EPHA6: variants seen among roughly 807,000 people sequenced by gnomAD.
EPHA6 encodes the protein EPH receptor A6, also known as ephrin type-A receptor 6.
EPHA6 carries 50 observed loss-of-function variants against 112.0 expected under a neutral mutation model. The ratio of observed to expected loss-of-function variants is 0.45; its 90% CI spans 0.36 to 0.56. The LOEUF (loss-of-function observed/expected upper bound fraction) is 0.56. Ranked by LOEUF, EPHA6 falls within the 20% of genes least tolerant of loss-of-function variation. EPHA6 has a pLI of 0.00. For missense variants in EPHA6, 1,280 were observed against 1,417.4 expected (o/e 0.90, Z 1.56); for synonymous variants, 529 against 490.7 (o/e 1.08, Z -1.03).
At chr3:97,697,387 G>A (rs2033108361) in intron 14 of EPHA6, among the ~76,000 whole-genome samples, 1 of 152,112 alleles carries the variant, frequency 6.6e-6, no homozygotes, top group Admixed American at 6.5e-5. Context: ...GACAGAAAGA[G>A]TACTATTTTA....
rs1450327757 is a variant in EPHA6 at position 96,862,123 on chromosome 3, G to A, written c.386-4702G>A. 2.6e-5 allele frequency among the ~76,000 whole-genome samples: 4 copies of A among 151,850 alleles called. No individual in the cohort carries two copies. In the East Asian group the frequency reaches 5.8e-4, roughly 22 times the overall value. On this transcript the variant is annotated intron_variant, in intron 1 of 17. Coordinates refer to ENST00000389672, the MANE Select transcript of EPHA6 (RefSeq NM_001080448.3). ...AAACAGTATTATATTTAAATGGACT[G>A]CTTCTAAAATGTAACGTATAAAGAT...
intron 10 of EPHA6, among the ~76,000 whole-genome samples, chr3:97,491,159 C>T (rs896120196): frequency 1.3e-5 from 2 of 152,150 alleles, no homozygotes; most frequent in Non-Finnish European, 2.9e-5. Context: ...ATACTAGACC[C>T]TCCCCACACT....
intron 3 of EPHA6, among the ~76,000 whole-genome samples, chr3:97,195,320 A>G (rs1576661186): frequency 6.6e-6 from 1 of 152,072 alleles, no homozygotes; most frequent in Non-Finnish European, 1.5e-5. Flanking sequence ...TAAACTGATG[A>G]CAACTTAACA....
At chr3:97,468,108 TAGA>T (rs201108305) in intron 7 of EPHA6, among the ~76,000 whole-genome samples, 4,227 of 148,224 alleles carry the variant, frequency 0.029, 185 homozygotes, top group African/African-American at 0.096. Context: ...GGCAGAGGAG[TAGA>T]AGAAGGCACA....
chr3:97,704,644 A>C (rs1416887848), intron 14 of EPHA6, among the ~76,000 whole-genome samples: 1 of 152,144 alleles, frequency 6.6e-6, no homozygotes, highest in African/African-American at 2.4e-5. Flanking sequence ...CTAATACATA[A>C]ATTTAAAGTG....
At chr3:96,913,192 ACACACACACACACACACACAC>A (rs1384161151) in intron 2 of EPHA6, among the ~76,000 whole-genome samples, 124 of 137,984 alleles carry the variant, frequency 9.0e-4, no homozygotes, top group African/African-American at 2.6e-3. Context: ...ACACACACAC[ACACACACACACACACACACAC>A]CACACACACG....
intron 1 of EPHA6, among the ~76,000 whole-genome samples, chr3:96,858,257 C>T (rs2035811893): frequency 6.6e-6 from 1 of 152,044 alleles, no homozygotes; most frequent in Non-Finnish European, 1.5e-5. Flanking sequence ...CTAAGAAGAT[C>T]AGAGTCTATT....
intron 7 of EPHA6, among the ~76,000 whole-genome samples, chr3:97,449,449 A>G (rs974162542): frequency 6.6e-6 from 1 of 152,110 alleles, no homozygotes; most frequent in Non-Finnish European, 1.5e-5. Context: ...ATCATTGTTA[A>G]CATACTGTAT....
Position 96,887,666 on chromosome 3 carries a change from G to A in EPHA6, c.450+20777G>A, listed in dbSNP as rs1244374562. ...GGCCCTAGAACTCCCAGGATTATAT[G>A]CCCTTTGTTTTCTGCTACCAGGGTA... On this transcript the variant is annotated intron_variant, in intron 2 of 17. Coordinates refer to ENST00000389672, the MANE Select transcript of EPHA6 (RefSeq NM_001080448.3). 2.0e-5 allele frequency among the ~76,000 whole-genome samples: 3 copies of A among 152,266 alleles called. No individual in the cohort carries two copies. The South Asian group carries it at 6.2e-4, about 32-fold the overall frequency.
intron 2 of EPHA6, among the ~76,000 whole-genome samples, chr3:96,888,854 T>A (rs1055089246): frequency 6.6e-6 from 1 of 152,172 alleles, no homozygotes; most frequent in African/African-American, 2.4e-5. Context: ...GAAAACAGGA[T>A]TTTCTTTTCT....
intron 10 of EPHA6, among the ~76,000 whole-genome samples, chr3:97,502,370 C>G (rs112549056): frequency 6.6e-6 from 1 of 151,260 alleles, no homozygotes; most frequent in African/African-American, 2.4e-5. Context: ...GGTTTCACCA[C>G]GTTGGGCAGG....
intron 3 of EPHA6, among the ~76,000 whole-genome samples, chr3:97,167,330 G>A (rs2076565180): frequency 6.6e-6 from 1 of 152,050 alleles, no homozygotes; most frequent in South Asian, 2.1e-4. Flanking sequence ...GCCTCAGACG[G>A]TGCCCAGCTT....
At chr3:97,145,286 C>T (rs911588381) in intron 3 of EPHA6, among the ~76,000 whole-genome samples, 2 of 151,460 alleles carry the variant, frequency 1.3e-5, no homozygotes, top group Non-Finnish European at 3.0e-5. Flanking sequence ...TTTTCTACAT[C>T]TGTTTATCAT....
chr3:97,641,201 C>A (rs2094000615), intron 14 of EPHA6, among the ~76,000 whole-genome samples: 1 of 152,136 alleles, frequency 6.6e-6, no homozygotes, highest in African/African-American at 2.4e-5. Context: ...GACAGATATT[C>A]TGTCTCAAAG....
At chr3:96,839,124 T>A (rs1170855710) in intron 1 of EPHA6, among the ~76,000 whole-genome samples, 2 of 152,132 alleles carry the variant, frequency 1.3e-5, no homozygotes, top group Non-Finnish European at 2.9e-5. Flanking sequence ...TTTTTTTATT[T>A]GTACATTTAA....
chr3:97,438,288 C>G (rs1210930616), intron 6 of EPHA6, among the ~76,000 whole-genome samples: 1 of 152,056 alleles, frequency 6.6e-6, no homozygotes, highest in Non-Finnish European at 1.5e-5. Context: ...CAGCACAAAT[C>G]TTAGTTTCTG....
chr3:97,727,475 T>C (rs148937655), intron 15 of EPHA6, among the ~76,000 whole-genome samples: 1 of 152,050 alleles, frequency 6.6e-6, no homozygotes, highest in African/African-American at 2.4e-5. Flanking sequence ...CCAAGAATAG[T>C]GGATATGTAG....
intron 2 of EPHA6, among the ~76,000 whole-genome samples, chr3:96,940,979 G>T (rs1398754594): frequency 1.3e-5 from 2 of 152,180 alleles, no homozygotes; most frequent in Admixed American, 1.3e-4. Flanking sequence ...CTGTTAGTCT[G>T]ATGGGCTTCC....
intron 5 of EPHA6, among the ~76,000 whole-genome samples, chr3:97,320,912 G>T (rs1277963870): frequency 6.7e-6 from 1 of 149,992 alleles, no homozygotes; most frequent in African/African-American, 2.5e-5. Flanking sequence ...TTAATTTTCA[G>T]TGCTTTGGAG....
Sources: gnomAD v4.1 joint callset for allele counts (sites outside exome capture counted in the v4.1 genomes callset) on GRCh38, gnomAD v4.1.1 for gene constraint, MANE v1.5 for transcripts, NCBI Gene and HGNC (gene_info 2026-07-23, HGNC 2026-07-21) for gene names.